Variants in AKAP6 observed in about 807,000 individuals in gnomAD.
AKAP6 encodes A-kinase anchor protein 6.
A neutral mutation model predicts 188.5 loss-of-function variants in AKAP6; 58 were observed. The observed-to-expected ratio is 0.31, with a 90% confidence interval of 0.25 to 0.38. The LOEUF (loss-of-function observed/expected upper bound fraction) is 0.38, where lower values mean the gene tolerates loss of function less well. Ranked by LOEUF, AKAP6 falls within the 10% of genes least tolerant of loss-of-function variation. The pLI, the probability that AKAP6 is intolerant of heterozygous loss-of-function variation, is 1.00. For missense variants in AKAP6, 2,710 were observed against 2,740.0 expected, an observed-to-expected ratio of 0.99 and a Z score of 0.24; for synonymous variants, 989 against 998.6, an observed-to-expected ratio of 0.99 and a Z score of 0.18.
At chr14:32,671,933 C>CATT (rs1269171997) in intron 7 of AKAP6, among the ~76,000 whole-genome samples, 1 of 152,064 alleles carries the variant, frequency 6.6e-6, no homozygotes, top group Admixed American at 6.6e-5. Context: ...AAAGATAAAG[C>CATT]ATTAGGTCTA....
chr14:32,450,561 T>G (rs1191700860), intron 2 of AKAP6, among the ~76,000 whole-genome samples: 2 of 152,212 alleles, frequency 1.3e-5, no homozygotes. Flanking sequence ...ATATTTTTAT[T>G]GTGTATTAGT....
intron 12 of AKAP6, among the ~76,000 whole-genome samples, chr14:32,781,898 C>A (rs941431313): frequency 3.3e-5 from 5 of 151,964 alleles, no homozygotes; most frequent in Non-Finnish European, 7.4e-5. Context: ...TGTGGTGGCT[C>A]ACACCTGTAA....
At chr14:32,714,345 A>G (rs1433844959) in intron 9 of AKAP6, among the ~76,000 whole-genome samples, 1 of 152,104 alleles carries the variant, frequency 6.6e-6, no homozygotes, top group Non-Finnish European at 1.5e-5. Flanking sequence ...AAATTGTGCC[A>G]ATAGCCTTGC....
intron 7 of AKAP6, among the ~76,000 whole-genome samples, chr14:32,657,001 GT>G (rs1888480379): frequency 6.6e-6 from 1 of 152,120 alleles, no homozygotes; most frequent in Non-Finnish European, 1.5e-5. Flanking sequence ...TCATAATACA[GT>G]TTATAGAATA....
chr14:32,357,640 A>G (rs1204927885), intron 1 of AKAP6, among the ~76,000 whole-genome samples: 2 of 152,244 alleles, frequency 1.3e-5, no homozygotes, highest in Non-Finnish European at 2.9e-5. Flanking sequence ...CTTGGCTGCT[A>G]CTAACACATG....
At chr14:32,624,098 G>A (rs1428427340) in intron 7 of AKAP6, among the ~76,000 whole-genome samples, 1 of 151,916 alleles carries the variant, frequency 6.6e-6, no homozygotes, top group Non-Finnish European at 1.5e-5. Context: ...AAGAGATCTT[G>A]GTAAGTAAAA....
intron 2 of AKAP6, among the ~76,000 whole-genome samples, chr14:32,467,220 AAC>A (rs142080425): frequency 0.33 from 48,913 of 147,826 alleles, 9,665 homozygotes; most frequent in Non-Finnish European, 0.46. Flanking sequence ...AGGAAAAAAA[AAC>A]AAAAACAAAA....
chr14:32,484,085 G>A (rs1413267733), intron 2 of AKAP6: 1 of 100,598 alleles, frequency 9.9e-6, no homozygotes, highest in African/African-American at 5.7e-5. Context: ...CATTATCCAT[G>A]TCCCTGCAAG....
At chr14:32,343,655 G>A (rs1261410991) in intron 1 of AKAP6, among the ~76,000 whole-genome samples, 1 of 148,928 alleles carries the variant, frequency 6.7e-6, no homozygotes, top group African/African-American at 2.5e-5. Flanking sequence ...GGCTGAGGCA[G>A]GAGAATGGCG....
chr14:32,656,002 TA>T (rs1253743205), intron 7 of AKAP6, among the ~76,000 whole-genome samples: 1 of 152,170 alleles, frequency 6.6e-6, no homozygotes, highest in Non-Finnish European at 1.5e-5. Flanking sequence ...ATCTCTCGTC[TA>T]GATATTTCAG....
chr14:32,524,267 A>C (rs1882010625), intron 2 of AKAP6, among the ~76,000 whole-genome samples: 1 of 152,326 alleles, frequency 6.6e-6, no homozygotes, highest in South Asian at 2.1e-4. Context: ...TGTGCAAATC[A>C]GGATAGTGGT....
intron 5 of AKAP6, among the ~76,000 whole-genome samples, chr14:32,584,694 T>G (rs1311289338): frequency 6.6e-6 from 1 of 152,156 alleles, no homozygotes; most frequent in African/African-American, 2.4e-5. Flanking sequence ...ATGACACTAT[T>G]AGGTTAGTTT....
At chr14:32,807,472 A>G (rs760307198) in intron 12 of AKAP6, among the ~76,000 whole-genome samples, 32 of 152,314 alleles carry the variant, frequency 2.1e-4, no homozygotes, top group Middle Eastern at 3.4e-3. Context: ...AGGGAAGAAA[A>G]CCAAAGGATT....
At chr14:32,688,112 A>G (rs1245646682) in intron 8 of AKAP6, among the ~76,000 whole-genome samples, 2 of 150,510 alleles carry the variant, frequency 1.3e-5, no homozygotes, top group African/African-American at 2.4e-5. Flanking sequence ...ACATAAATAT[A>G]TAATATAGTA....
At chr14:32,642,035 T>C (rs1248152321) in intron 7 of AKAP6, among the ~76,000 whole-genome samples, 1 of 152,186 alleles carries the variant, frequency 6.6e-6, no homozygotes, top group African/African-American at 2.4e-5. Context: ...GGAATAGAAA[T>C]GATTAATATA....
rs1022577561 is a variant in AKAP6 at position 32,571,290 on chromosome 14, G to A, written c.2347-5830G>A. On this transcript the variant is annotated intron_variant, in intron 4 of 13. Transcript: ENST00000280979. ...TGTGATACCTTTGCTTTGGGAGGCCGAGGTGGAAGGAACACTTGAGGCCAG... is the reference window on the plus strand; with the variant it reads ...TGTGATACCTTTGCTTTGGGAGGCCAAGGTGGAAGGAACACTTGAGGCCAG... Among the ~76,000 whole-genome samples, 4 of 151,878 alleles carry A rather than the reference G, an allele frequency of 2.6e-5. No individual in the cohort carries two copies. The East Asian group carries it at 5.8e-4, about 22-fold the overall frequency.
chr14:32,583,049 G>A (rs1010329219), intron 5 of AKAP6, among the ~76,000 whole-genome samples: 2 of 152,226 alleles, frequency 1.3e-5, no homozygotes, highest in African/African-American at 2.4e-5. Context: ...CGTTCCTTTG[G>A]AGGAGGAGAG....
intron 7 of AKAP6, among the ~76,000 whole-genome samples, chr14:32,668,252 C>CT (rs1315923748): frequency 6.6e-6 from 1 of 152,104 alleles, no homozygotes; most frequent in East Asian, 1.9e-4. Flanking sequence ...TGATTTTTAA[C>CT]TACAGGCATT....
chr14:32,555,303 G>A (rs1369997242), intron 4 of AKAP6, among the ~76,000 whole-genome samples: 2 of 149,500 alleles, frequency 1.3e-5, no homozygotes, highest in African/African-American at 5.1e-5. Context: ...TGAAGGTAGA[G>A]AAGTTTTTCC....
Sources: gnomAD v4.1 joint callset for allele counts (sites outside exome capture counted in the v4.1 genomes callset) on GRCh38, gnomAD v4.1.1 for gene constraint, MANE v1.5 for transcripts, NCBI Gene and HGNC (gene_info 2026-07-23, HGNC 2026-07-21) for gene names.